Variants in SND1 observed in about 807,000 individuals in gnomAD.
SND1 encodes the protein staphylococcal nuclease and tudor domain containing 1.
In SND1, 38 loss-of-function variants were observed where a neutral mutation model predicts 121.7. The ratio of observed to expected loss-of-function variants is 0.31; its 90% confidence interval spans 0.24 to 0.41. SND1 has a LOEUF of 0.41. SND1 is among the 10% of genes least tolerant of loss of function. SND1 has a pLI of 1.00. For synonymous variants in SND1, 401 were observed against 447.4 expected (o/e 0.90, Z 1.31); for missense variants, 868 against 1,184.6 (o/e 0.73, Z 3.92).
chr7:128,066,510 G>A (rs762150307), intron 16 of SND1, among the ~76,000 whole-genome samples: 30 of 152,316 alleles, frequency 2.0e-4, no homozygotes, highest in African/African-American at 6.3e-4. Context: ...TGGAAAATCC[G>A]TGCTGCTGCC....
intron 15 of SND1, among the ~76,000 whole-genome samples, chr7:127,936,106 A>G (rs1801055601): frequency 1.3e-5 from 2 of 152,198 alleles, no homozygotes; most frequent in Admixed American, 1.3e-4. Flanking sequence ...TGTAGCCAAC[A>G]GGTCAGTGCC....
intron 15 of SND1, among the ~76,000 whole-genome samples, chr7:127,930,197 C>T (rs1800932871): frequency 6.6e-6 from 1 of 152,008 alleles, no homozygotes; most frequent in Admixed American, 6.6e-5. Context: ...CATATCCCGC[C>T]GTGGTCCCCA....
intron 13 of SND1, among the ~76,000 whole-genome samples, chr7:127,892,634 C>G (rs1347228950): frequency 6.6e-6 from 1 of 152,140 alleles, no homozygotes; most frequent in African/African-American, 2.4e-5. Flanking sequence ...TGTCTATCAT[C>G]AGCTGACCCC....
At chr7:127,958,487 T>G (rs1483362346) in intron 15 of SND1, among the ~76,000 whole-genome samples, 1 of 152,208 alleles carries the variant, frequency 6.6e-6, no homozygotes, top group Non-Finnish European at 1.5e-5. Context: ...AGGGCTAGCC[T>G]GAGCCACTTT....
Position 128,085,755 on chromosome 7 carries a change from A to G in SND1, c.2279A>G (p.His760Arg). The change falls in exon 20 of 24, where the codon CAT becomes CGT. Residue 760 changes from histidine to arginine, a missense_variant. By Grantham distance (29) the His-to-Arg change is conservative. This residue lies in a region of SND1 where 743 missense variants were observed against 1,071.3 expected (regional missense o/e 0.69). Coordinates refer to ENST00000354725, the MANE Select transcript of SND1 (RefSeq NM_014390.4). The surrounding 1 kb of genome is among the most constrained non-coding windows in gnomAD (Gnocchi z 4.4). Reference sequence around the variant, plus strand: ...AAAGTCGAGTCTCCTGCCAAAATACATGTCTTCTACATTGACTACGGCAAC... The same window carrying G: ...AAAGTCGAGTCTCCTGCCAAAATACGTGTCTTCTACATTGACTACGGCAAC... ...VEKVESPAKI[H>R]VFYIDYGNRE... is the part of the protein sequence containing the mutation. 3 of 1,614,034 alleles carry G rather than the reference A, an allele frequency of 1.9e-6. No individual in the cohort carries two copies. The highest frequency in any genetic ancestry group is 1.3e-5 in the African/African-American group (1 of 75,034).
intron 16 of SND1, among the ~76,000 whole-genome samples, chr7:128,011,557 G>C (rs1450311410): frequency 1.3e-5 from 2 of 152,204 alleles, no homozygotes; most frequent in African/African-American, 2.4e-5. Context: ...TCAGATCCCA[G>C]AGCAGGATCA....
At chr7:127,809,819 G>A (rs927770873) in intron 11 of SND1, among the ~76,000 whole-genome samples, 4 of 152,174 alleles carry the variant, frequency 2.6e-5, no homozygotes, top group East Asian at 1.9e-4. Context: ...GTGTTTTGTT[G>A]GCTTTGATGA....
intron 1 of SND1, among the ~76,000 whole-genome samples, chr7:127,670,934 A>G (rs1173330664): frequency 2.6e-5 from 4 of 152,156 alleles, no homozygotes; most frequent in Non-Finnish European, 4.4e-5. Flanking sequence ...TGAACAGCAC[A>G]CTCAGAAAGT....
At chr7:128,042,111 G>A (rs1014955528) in intron 16 of SND1, among the ~76,000 whole-genome samples, 1 of 152,108 alleles carries the variant, frequency 6.6e-6, no homozygotes, top group Non-Finnish European at 1.5e-5. Flanking sequence ...GGGCCAGTTT[G>A]TATGGCAGCC....
chr7:127,936,125 G>C (rs374507262), intron 15 of SND1, among the ~76,000 whole-genome samples: 3 of 152,188 alleles, frequency 2.0e-5, no homozygotes, highest in African/African-American at 4.8e-5. Flanking sequence ...CCTCCTGAAC[G>C]CTCTTGCCCT....
chr7:128,092,047 T>C lies in SND1; in HGVS notation c.2722T>C (p.Tyr908His). 3 of 1,614,016 alleles carry C rather than the reference T, an allele frequency of 1.9e-6. No homozygotes were observed. The highest frequency in any genetic ancestry group is 2.5e-6 in the Non-Finnish European group (3 of 1,179,902). ...FRADDADEFG[Y>H]SR Reference sequence around the variant, plus strand: ...AGCTGATGATGCAGACGAATTTGGCTACAGCCGCTAAGGAGGGGATCGGGT... The same window carrying C: ...AGCTGATGATGCAGACGAATTTGGCCACAGCCGCTAAGGAGGGGATCGGGT... Residue 908 changes from tyrosine (Y) to histidine (H), a missense_variant, in exon 24 of 24, where the codon TAC becomes CAC. Coordinates refer to ENST00000354725, the MANE Select transcript of SND1 (RefSeq NM_014390.4). This position sits in a 1 kb window ranked among gnomAD's most constrained non-coding sequence, Gnocchi z 4.9.
At chr7:127,826,297 A>T (rs1014162505) in intron 11 of SND1, among the ~76,000 whole-genome samples, 4 of 152,204 alleles carry the variant, frequency 2.6e-5, no homozygotes, top group African/African-American at 4.8e-5. Context: ...TTCCATGAGT[A>T]TATAATTTAT....
At chr7:127,721,641 C>G (rs1796497976) in intron 10 of SND1, among the ~76,000 whole-genome samples, 1 of 152,114 alleles carries the variant, frequency 6.6e-6, no homozygotes, top group African/African-American at 2.4e-5. Context: ...GGCACTTCTC[C>G]CCAGGGGGCT....
chr7:127,972,069 C>T (rs1802003295), intron 15 of SND1, among the ~76,000 whole-genome samples: 1 of 152,134 alleles, frequency 6.6e-6, no homozygotes, highest in Admixed American at 6.5e-5. Context: ...GCCACCACGC[C>T]TGGCCAGCTT....
chr7:128,074,377 G>T, intron 16 of SND1, 125 bp from the exon 17 acceptor site: 1 of 917,832 alleles, frequency 1.1e-6, no homozygotes. Flanking sequence ...GGGGTTCCCA[G>T]AGGTTGGCAG....
chr7:127,791,141 CTT>C lies in SND1; in HGVS notation c.1153-16322_1153-16321del, dbSNP rs66878881. On this transcript the variant is annotated intron_variant, in intron 10 of 23. Transcript: ENST00000354725. ...TTGAATGAAATGAGCTTTACCTCTC[CTT>C]TTTTTTTTTTTTTTTTTTTTGAGGC... Among the ~76,000 whole-genome samples the C allele has an allele frequency of 9.7e-3, 1,072 of 110,842 alleles. 42 individuals carry two copies. Among genetic ancestry groups the C allele is most frequent in the Admixed American group, 0.094 (883 of 9,428 alleles). 72.7% of individuals were successfully genotyped at this position (110,842 alleles called of 152,430 possible).
At chr7:128,049,940 A>G (rs1201642207) in intron 16 of SND1, among the ~76,000 whole-genome samples, 1 of 152,102 alleles carries the variant, frequency 6.6e-6, no homozygotes, top group East Asian at 1.9e-4. Flanking sequence ...GCTGGGGTAA[A>G]CGCCCACAAA....
rs1800244926 is a variant in SND1 at position 127,902,133 on chromosome 7, G to T, written c.1455-2614G>T. Among the ~76,000 whole-genome samples the T allele has an allele frequency of 2.6e-5, 4 of 152,260 alleles. No individual in the cohort carries two copies. The South Asian group carries it at 8.3e-4, about 32-fold the overall frequency. On this transcript the variant is annotated intron_variant, in intron 13 of 23. Transcript: ENST00000354725. ...CCCACCTCACTGCTTTTGCCTCGAGGATCTTTGCTTTCTAACTTACTGCTC... is the reference window on the plus strand; with the variant it reads ...CCCACCTCACTGCTTTTGCCTCGAGTATCTTTGCTTTCTAACTTACTGCTC...
chr7:127,679,035 G>A (rs1795661717), intron 1 of SND1: 1 of 152,232 alleles, frequency 6.6e-6, no homozygotes, highest in Non-Finnish European at 1.5e-5. Flanking sequence ...TGTGACAGTT[G>A]AAGAATGGCA....
Sources: gnomAD v4.1 joint callset for allele counts (sites outside exome capture counted in the v4.1 genomes callset) on GRCh38, gnomAD v4.1.1 for gene constraint, gnomAD v4.1.1 regional missense constraint, Gnocchi (gnomAD v3.1) non-coding constraint, MANE v1.5 for transcripts, NCBI Gene and HGNC (gene_info 2026-07-23, HGNC 2026-07-21) for gene names.